The following LIPE variants were observed in gnomAD, a reference collection of about 807,000 sequenced individuals.
LIPE encodes the protein lipase E, hormone sensitive type.
A neutral mutation model predicts 88.5 loss-of-function variants in LIPE; 66 were observed. That is an observed-to-expected ratio of 0.75 (90% CI 0.61 to 0.91). The LOEUF is 0.91. Among genes scored for constraint, LIPE ranks in the 40% least tolerant of loss-of-function variants. LIPE has a pLI of 0.00. For synonymous variants in LIPE, 570 were observed against 617.5 expected (o/e 0.92, Z 1.14); for missense variants, 1,346 against 1,434.7 (o/e 0.94, Z 1.00).
chr19:42,413,684 T>A (rs867633647), intron 1 of LIPE, among the ~76,000 whole-genome samples: 3 of 152,074 alleles, frequency 2.0e-5, no homozygotes, highest in African/African-American at 7.2e-5. Flanking sequence ...ACAAAAAAGA[T>A]TAGGGCCTTG....
At chr19:42,403,738 A>G (rs2040076370) in intron 8 of LIPE, among the ~76,000 whole-genome samples, 1 of 151,968 alleles carries the variant, frequency 6.6e-6, no homozygotes, top group Non-Finnish European at 1.5e-5. Context: ...CACTTACCAC[A>G]AGGTGTAAAT....
chr19:42,416,195 G>T (rs1172453143), intron 1 of LIPE, among the ~76,000 whole-genome samples: 1 of 151,486 alleles, frequency 6.6e-6, no homozygotes, highest in Non-Finnish European at 1.5e-5. Flanking sequence ...ATACAAAAAA[G>T]AAGCCGGGCG....
At chr19:42,415,273 G>C (rs2147647607) in intron 1 of LIPE, among the ~76,000 whole-genome samples, 1 of 152,160 alleles carries the variant, frequency 6.6e-6, no homozygotes, top group South Asian at 2.1e-4. Flanking sequence ...AAATAAAATA[G>C]AAATCAGGCC....
In LIPE at chr19:42,408,062, C is replaced by T; in HGVS notation, c.1570G>A (p.Gly524Arg). The part of the protein sequence containing the change: ...GRFAIDPELR[G>R]AEFERITQNL... ...TGTGTGATCCGCTCAAACTCAGCCC[C>T]ACGCAGCTCGGGGTCGATGGCAAAG... is the stretch of plus-strand genomic sequence containing the variant. The change falls in exon 4 of 10, where the codon GGG becomes AGG. Residue 524 changes from glycine (G) to arginine (R), a missense_variant. Gly to Arg is a moderately radical substitution (Grantham distance 125, BLOSUM62 -2). Transcript: ENST00000244289. The surrounding 1 kb of genome is among the most constrained non-coding windows in gnomAD (Gnocchi z 4.3). The T allele has an allele frequency of 6.2e-7, 1 of 1,613,926 alleles. No individual in the cohort carries two copies. The highest frequency in any genetic ancestry group is 8.5e-7 in the Non-Finnish European group (1 of 1,179,892).
chr19:42,426,100 C>G lies in LIPE; in HGVS notation c.883+167G>C, dbSNP rs566497501. 1.6e-4 allele frequency among the ~76,000 whole-genome samples: 21 copies of G among 133,764 alleles called. No individual in the cohort carries two copies. In the East Asian group the frequency reaches 4.0e-3, roughly 26 times the overall value. 87.8% of individuals were successfully genotyped at this position (133,764 alleles called of 152,430 possible). On this transcript the variant is annotated intron_variant, in intron 1 of 9. Transcript: ENST00000244289. ...TACAGGTGTGAGCCACTGCGCCCAG[C>G]CTTTTTTTTTTTTTTTTTTTTTTTT...
chr19:42,413,991 G>A (rs975920893), intron 1 of LIPE, among the ~76,000 whole-genome samples: 2 of 152,160 alleles, frequency 1.3e-5, no homozygotes, highest in Non-Finnish European at 2.9e-5. Context: ...AAAATGGGAC[G>A]ATGTGGGCTA....
intron 8 of LIPE, 169 bp from the exon 9 acceptor site, chr19:42,403,200 G>A (rs1196080239): frequency 1.3e-5 from 8 of 608,416 alleles, no homozygotes; most frequent in African/African-American, 7.5e-5. Flanking sequence ...AGGTGGTCAT[G>A]GTGGGGGTCT....
chr19:42,423,789 C>CG, intron 1 of LIPE: 1 of 1,109,456 alleles, frequency 9.0e-7, no homozygotes, highest in Non-Finnish European at 1.1e-6. Context: ...AAGGCAACCC[C>CG]GGGGGTGGCG....
chr19:42,426,547 C>G lies in LIPE; in HGVS notation c.603G>C (p.Leu201Phe). ...VQGAKSKQGS[L>F]TELGFLTKLQ... ...GTTTTGTTAGAAATCCCAGCTCTGTCAAAGATCCCTGCTTGGATTTGGCTC... is the reference window on the plus strand; with the variant it reads ...GTTTTGTTAGAAATCCCAGCTCTGTGAAAGATCCCTGCTTGGATTTGGCTC... Residue 201 changes from leucine to phenylalanine, a missense_variant, in exon 1 of 10, where the codon TTG (leucine) becomes TTC (phenylalanine). Physicochemically the swap from Leu to Phe is conservative, Grantham distance 22. Transcript: ENST00000244289. 1.2e-6 allele frequency: 2 copies of G among 1,614,206 alleles called. No individual in the cohort carries two copies. The highest frequency in any genetic ancestry group is 1.7e-6 in the Non-Finnish European group (2 of 1,180,042).
In LIPE at chr19:42,406,564, CAT is replaced by C. The variant is rs1307655445; in HGVS notation, c.2138-178_2138-177del. Among the ~76,000 whole-genome samples the C allele has an allele frequency of 2.6e-5, 4 of 152,268 alleles. No homozygotes were observed. Among genetic ancestry groups the C allele is most frequent in the African/African-American group, 9.6e-5 (4 of 41,552 alleles). ...GCAGACTGAGGCACAGATTTGGGCTCATGTGGTAGACAGAGGGTCAGGATGAC... is the reference window on the plus strand; with the variant it reads ...GCAGACTGAGGCACAGATTTGGGCTCGTGGTAGACAGAGGGTCAGGATGAC... On this transcript the variant is annotated intron_variant, in intron 6 of 9. Transcript: ENST00000244289. The surrounding 1 kb of genome is among the most constrained non-coding windows in gnomAD (Gnocchi z 5.7).
At position 42,403,025 on chromosome 19, in the gene LIPE, A is replaced by G; in HGVS notation, c.2549T>C (p.Met850Thr). Reference protein sequence around the residue: ...QKMSEPIAEPMRRSVSEAALA... With the variant: ...QKMSEPIAEPTRRSVSEAALA... ...TGCTGCTTCAGACACACTGCGGCGCATCGGCTCTGAGAGAGGGAGAGCAGA... is the reference window on the plus strand; with the variant it reads ...TGCTGCTTCAGACACACTGCGGCGCGTCGGCTCTGAGAGAGGGAGAGCAGA... Residue 850 changes from methionine to threonine, a missense_variant, in exon 9 of 10, where the codon ATG (methionine) becomes ACG (threonine). By Grantham distance (81) the Met-to-Thr change is moderately conservative (BLOSUM62 -1). Transcript: ENST00000244289. 5 of 1,555,944 alleles carry G rather than the reference A, an allele frequency of 3.2e-6. No individual in the cohort carries two copies. Among genetic ancestry groups the G allele is most frequent in the Non-Finnish European group, 4.3e-6 (5 of 1,152,048 alleles).
intron 1 of LIPE, among the ~76,000 whole-genome samples, chr19:42,416,330 G>A (rs1379670979): frequency 2.0e-5 from 3 of 151,756 alleles, no homozygotes; most frequent in Admixed American, 2.0e-4. Flanking sequence ...AGCAACAAGA[G>A]TGAAACTTTG....
intron 1 of LIPE, among the ~76,000 whole-genome samples, chr19:42,421,246 C>T (rs1368410133): frequency 1.3e-5 from 2 of 152,148 alleles, no homozygotes; most frequent in Non-Finnish European, 2.9e-5. Flanking sequence ...CTTCCTCTTC[C>T]TCCTGGCCCT....
At chr19:42,423,053 C>A in intron 1 of LIPE, 1 of 254,660 alleles carries the variant, frequency 3.9e-6, no homozygotes, top group South Asian at 3.4e-5. Context: ...CTCTCAAGAG[C>A]GCTGGAGCCC....
intron 2 of LIPE, among the ~76,000 whole-genome samples, chr19:42,409,642 C>T (rs561468509): frequency 6.6e-6 from 1 of 152,346 alleles, no homozygotes; most frequent in African/African-American, 2.4e-5. Context: ...CTGCCCCTGG[C>T]TGTGCGCCCA....
chr19:42,405,791 G>A, intron 7 of LIPE: 2 of 562,106 alleles, frequency 3.6e-6, no homozygotes, highest in South Asian at 2.3e-5. Context: ...GCAACATAGC[G>A]AAAAACACAA....
intron 1 of LIPE, among the ~76,000 whole-genome samples, chr19:42,413,325 G>A (rs374370796): frequency 2.0e-5 from 3 of 152,348 alleles, no homozygotes; most frequent in African/African-American, 7.2e-5. Context: ...ATAAGGTACC[G>A]GGGTGTGGCC....
At chr19:42,424,004 TG>T (rs2040657744) in intron 1 of LIPE, 1 of 1,177,738 alleles carries the variant, frequency 8.5e-7, no homozygotes, top group Non-Finnish European at 1.1e-6. Flanking sequence ...AGCCTCTGCC[TG>T]GGGTGGGGGC....
At chr19:42,421,279 A>G (rs1421961921) in intron 1 of LIPE, among the ~76,000 whole-genome samples, 3 of 151,846 alleles carry the variant, frequency 2.0e-5, no homozygotes, top group Non-Finnish European at 4.4e-5. Context: ...TCTGCACTGT[A>G]ACTCAGTGTT....
Sources: allele counts gnomAD v4.1 joint callset (sites outside exome capture counted in the v4.1 genomes callset), GRCh38; gene constraint gnomAD v4.1.1; non-coding constraint Gnocchi (gnomAD v3.1); transcripts MANE v1.5; gene names NCBI Gene and HGNC (gene_info 2026-07-23, HGNC 2026-07-21).